Variants in SPAG9 observed in about 807,000 individuals in gnomAD.
SPAG9 encodes C-Jun-amino-terminal kinase-interacting protein 4.
Under a neutral mutation model 166.5 loss-of-function variants are expected in SPAG9, and 35 were observed. The ratio of observed to expected loss-of-function variants is 0.21; its 90% CI spans 0.16 to 0.28. SPAG9 has a LOEUF of 0.28. Ranked by LOEUF, SPAG9 falls within the 10% of genes least tolerant of loss-of-function variation. SPAG9 has a pLI of 1.00. For missense variants in SPAG9, 1,235 were observed against 1,603.3 expected (o/e 0.77, Z 3.92); for synonymous variants, 534 against 565.5 (o/e 0.94, Z 0.79).
At chr17:51,041,700 TTA>T in intron 4 of SPAG9, 49 bp from the exon 5 acceptor site, 1 of 1,573,916 alleles carries the variant, frequency 6.4e-7, no homozygotes, top group Non-Finnish European at 8.7e-7. Flanking sequence ...TTTTGACTTT[TTA>T]TTTGCCATGA....
At position 51,033,213 on chromosome 17, in the gene SPAG9, A is replaced by G. The variant is rs141945144; in HGVS notation, c.742-1491T>C. On this transcript the variant is annotated intron_variant, in intron 5 of 29. Coordinates refer to ENST00000262013, the MANE Select transcript of SPAG9 (RefSeq NM_001130528.3). Reference sequence around the variant, plus strand: ...ATAAGATCTTTGATTCTAGATTCTCATCATCTTTAATCATTCTCTTCATCA... The same window carrying G: ...ATAAGATCTTTGATTCTAGATTCTCGTCATCTTTAATCATTCTCTTCATCA... 3.2e-4 allele frequency among the ~76,000 whole-genome samples: 48 copies of G among 151,918 alleles called. No individual in the cohort carries two copies. In the East Asian group the frequency reaches 8.9e-3, roughly 28 times the overall value.
chr17:50,974,380 A>G (rs892018579), intron 28 of SPAG9, among the ~76,000 whole-genome samples: 1 of 152,176 alleles, frequency 6.6e-6, no homozygotes, highest in African/African-American at 2.4e-5. Flanking sequence ...GCTTTTTCCT[A>G]TTAAGCTGCT....
At chr17:51,032,408 T>C (rs538602719) in intron 5 of SPAG9, among the ~76,000 whole-genome samples, 25 of 152,222 alleles carry the variant, frequency 1.6e-4, no homozygotes, top group African/African-American at 6.0e-4. Flanking sequence ...AAGTGATCCA[T>C]CTTCCTTGGC....
In SPAG9 at chr17:51,120,582, G is replaced by A. The variant is rs918336052; in HGVS notation, c.75C>T (p.Ser25=). The change falls in exon 1 of 30, where the codon TCC becomes TCT. Residue 25 remains serine, a synonymous_variant. Transcript: ENST00000262013. This position sits in a 1 kb window ranked among gnomAD's most constrained non-coding sequence, Gnocchi z 4.7. ...GSGAVMSERV[S]GLAGSIYREF... Reference sequence around the variant, plus strand: ...CGCGGTAGATGGAGCCGGCCAGGCCGGACACCCGCTCCGACATCACGGCCC... The same window carrying A: ...CGCGGTAGATGGAGCCGGCCAGGCCAGACACCCGCTCCGACATCACGGCCC... The A allele has an allele frequency of 6.2e-6, 10 of 1,613,124 alleles. No individual in the cohort carries two copies. The African/African-American group carries it at 1.1e-4, about 17-fold the overall frequency.
intron 3 of SPAG9, among the ~76,000 whole-genome samples, chr17:51,054,280 C>T (rs2047294594): frequency 1.3e-5 from 2 of 151,294 alleles, no homozygotes; most frequent in Non-Finnish European, 2.9e-5. Flanking sequence ...CCATGCCTGG[C>T]TATTTTTGTA....
intron 3 of SPAG9, among the ~76,000 whole-genome samples, chr17:51,049,422 T>C (rs1391025091): frequency 1.3e-5 from 2 of 151,798 alleles, no homozygotes; most frequent in Non-Finnish European, 2.9e-5. Context: ...ATGCCTGTAA[T>C]CCCAGCACTT....
intron 2 of SPAG9, among the ~76,000 whole-genome samples, chr17:51,076,833 A>G (rs1374558931): frequency 1.3e-5 from 2 of 152,104 alleles, no homozygotes; most frequent in African/African-American, 4.8e-5. Context: ...GAGTCTGTCA[A>G]CTGTGTCTTT....
chr17:51,046,827 T>C, intron 4 of SPAG9: 6 of 1,532,702 alleles, frequency 3.9e-6, no homozygotes, highest in East Asian at 4.9e-5. Context: ...GATGACGTCA[T>C]TCCGTTCTCC....
Position 51,013,344 on chromosome 17 carries a change from T to A in SPAG9, c.1213+888A>T, listed in dbSNP as rs139331560. On this transcript the variant is annotated intron_variant, in intron 9 of 29. Coordinates refer to ENST00000262013, the MANE Select transcript of SPAG9 (RefSeq NM_001130528.3). ...AACTAATTCATAGGAGCCAGAACCT[T>A]GCACTGAAAGGAACTTCAGAGATCA... Among the ~76,000 whole-genome samples, 1,295 of 152,288 alleles carry A rather than the reference T, an allele frequency of 8.5e-3. 45 individuals carry two copies. Among genetic ancestry groups the A allele is most frequent in the Admixed American group, 0.073 (1,115 of 15,292 alleles).
At chr17:51,066,767 C>G (rs2047683203) in intron 2 of SPAG9, among the ~76,000 whole-genome samples, 1 of 151,310 alleles carries the variant, frequency 6.6e-6, no homozygotes, top group Admixed American at 6.6e-5. Context: ...TGGCACACTC[C>G]TGTAGTCCCA....
intron 2 of SPAG9, among the ~76,000 whole-genome samples, chr17:51,062,677 G>A (rs778653216): frequency 1.1e-4 from 17 of 152,026 alleles, no homozygotes; most frequent in Non-Finnish European, 2.2e-4. Flanking sequence ...TGCAACCTCC[G>A]CCTGCCAGGT....
chr17:51,040,041 C>T (rs1226876803), intron 5 of SPAG9, among the ~76,000 whole-genome samples: 3 of 152,020 alleles, frequency 2.0e-5, no homozygotes, highest in Admixed American at 6.6e-5. Flanking sequence ...TCGAGGTCAG[C>T]CTGACCAACA....
intron 12 of SPAG9, among the ~76,000 whole-genome samples, chr17:51,002,404 A>G (rs1312639085): frequency 6.6e-6 from 1 of 152,196 alleles, no homozygotes; most frequent in East Asian, 1.9e-4. Flanking sequence ...ATATTTGAAC[A>G]TATTATAAAG....
In SPAG9 at chr17:50,985,740, C is replaced by A. The variant is rs139856934; in HGVS notation, c.2978G>T (p.Cys993Phe). Residue 993 changes from cysteine to phenylalanine, a missense_variant, in exon 23 of 30, where the codon TGT becomes TTT. Cys to Phe is a radical substitution (Grantham distance 205). This residue lies in a region of SPAG9 where 493 missense variants were observed against 559.4 expected (regional missense o/e 0.88). Coordinates refer to ENST00000262013, the MANE Select transcript of SPAG9 (RefSeq NM_001130528.3). ...ATCTTTAAGTTTAATGGAATGGAGA[C>A]ATTTCCTCCACTGGGCTACAGATGA... Reference protein sequence around the residue: ...VHSSVAQWRKCLHSIKLKDSI... With the variant: ...VHSSVAQWRKFLHSIKLKDSI... 7 of 1,608,966 alleles carry A rather than the reference C, an allele frequency of 4.4e-6. No homozygotes were observed. The African/African-American group carries it at 9.4e-5, about 22-fold the overall frequency.
intron 9 of SPAG9, among the ~76,000 whole-genome samples, chr17:51,013,079 C>T (rs1358852729): frequency 6.6e-6 from 1 of 152,092 alleles, no homozygotes; most frequent in Non-Finnish European, 1.5e-5. Context: ...AAACACTTTA[C>T]AATGTCAAGG....
At chr17:51,077,009 G>GCTATCTATCTAGCTAT (rs1491203505) in intron 2 of SPAG9, among the ~76,000 whole-genome samples, 1 of 69,388 alleles carries the variant, frequency 1.4e-5, no homozygotes, top group African/African-American at 3.6e-5. Flanking sequence ...TATCTAGCTA[G>GCTATCTATCTAGCTAT]CTAGCTAGCT....
At chr17:51,046,338 C>T (rs927957463) in intron 4 of SPAG9, among the ~76,000 whole-genome samples, 8 of 152,166 alleles carry the variant, frequency 5.3e-5, no homozygotes, top group African/African-American at 1.9e-4. Flanking sequence ...ATAATCCTAA[C>T]TGATGGTCTA....
At chr17:51,102,061 C>CTA (rs1568089611) in intron 1 of SPAG9, among the ~76,000 whole-genome samples, 1 of 152,026 alleles carries the variant, frequency 6.6e-6, no homozygotes, top group African/African-American at 2.4e-5. Flanking sequence ...ATCTGTTACT[C>CTA]TAAGGTACTG....
At chr17:51,044,277 A>C (rs2046944321) in intron 4 of SPAG9, among the ~76,000 whole-genome samples, 1 of 152,210 alleles carries the variant, frequency 6.6e-6, no homozygotes, top group African/African-American at 2.4e-5. Context: ...GCATGCATTA[A>C]ATGCTTCAAA....
Sources: gnomAD v4.1 joint callset for allele counts (sites outside exome capture counted in the v4.1 genomes callset) on GRCh38, gnomAD v4.1.1 for gene constraint, gnomAD v4.1.1 regional missense constraint, Gnocchi (gnomAD v3.1) non-coding constraint, MANE v1.5 for transcripts, NCBI Gene and HGNC (gene_info 2026-07-23, HGNC 2026-07-21) for gene names.